The following MRTFA variants were observed in gnomAD, a reference collection of about 807,000 sequenced individuals.
MRTFA encodes myocardin related transcription factor A, also known as myocardin-related transcription factor A.
A neutral mutation model predicts 83.5 loss-of-function variants in MRTFA; 20 were observed. That is an observed-to-expected ratio of 0.24 (90% CI 0.17 to 0.35). The LOEUF (loss-of-function observed/expected upper bound fraction) is 0.35, where lower values mean the gene tolerates loss of function less well. Among genes scored for constraint, MRTFA ranks in the 10% least tolerant of loss-of-function variants. The pLI, the probability that MRTFA is intolerant of heterozygous loss-of-function variation, is 1.00. For synonymous variants in MRTFA, 659 were observed against 541.2 expected (o/e 1.22, Z -3.02); for missense variants, 1,200 against 1,224.7 (o/e 0.98, Z 0.30).
chr22:40,429,459 A>G (rs1234791825), intron 7 of MRTFA, 147 bp downstream of exon 7: 2 of 921,382 alleles, frequency 2.2e-6, no homozygotes, highest in South Asian at 2.8e-5. Context: ...GAGGCTCTCA[A>G]ACTCTGTGCC....
intron 3 of MRTFA, among the ~76,000 whole-genome samples, chr22:40,541,896 G>A (rs1278746780): frequency 6.6e-6 from 1 of 152,144 alleles, no homozygotes; most frequent in Non-Finnish European, 1.5e-5. Flanking sequence ...TTGAACTCCT[G>A]ACCTCATAAT....
chr22:40,414,674 C>A lies in MRTFA; in HGVS notation c.2578+2312G>T, dbSNP rs1482643694. On this transcript the variant is annotated intron_variant, in intron 14 of 14. Coordinates refer to ENST00000355630, the MANE Select transcript of MRTFA (RefSeq NM_020831.6). The stretch of plus-strand genomic sequence containing the variant: ...GTGAGGTCCCCACGACAGGCAAATC[C>A]ATAGAGAAAGTGGGATGGGGACTGC... 2.0e-5 allele frequency among the ~76,000 whole-genome samples: 3 copies of A among 152,200 alleles called. No individual in the cohort carries two copies. The East Asian group carries it at 5.8e-4, about 29-fold the overall frequency.
chr22:40,456,663 GA>G (rs1487940249), intron 4 of MRTFA, among the ~76,000 whole-genome samples: 2 of 152,170 alleles, frequency 1.3e-5, no homozygotes, highest in Admixed American at 6.5e-5. Context: ...CTCCAGCCTG[GA>G]TAACAGAACC....
At chr22:40,458,809 G>A (rs750389571) in intron 4 of MRTFA, among the ~76,000 whole-genome samples, 1 of 152,114 alleles carries the variant, frequency 6.6e-6, no homozygotes, top group African/African-American at 2.4e-5. Context: ...CGGGCGTGGA[G>A]GCTCATGCCT....
intron 3 of MRTFA, among the ~76,000 whole-genome samples, chr22:40,493,552 A>T (rs1391868885): frequency 6.6e-6 from 1 of 152,236 alleles, no homozygotes. Flanking sequence ...GAAAAGGAAA[A>T]TGAAAGAGGA....
At chr22:40,590,121 T>C (rs1245751576) in intron 2 of MRTFA, among the ~76,000 whole-genome samples, 2 of 152,216 alleles carry the variant, frequency 1.3e-5, no homozygotes, top group East Asian at 1.9e-4. Flanking sequence ...TTCCACATAA[T>C]ACTCAATTTT....
intron 10 of MRTFA, 122 bp from the exon 11 acceptor site, chr22:40,420,698 C>A: frequency 6.5e-7 from 1 of 1,535,470 alleles, no homozygotes; most frequent in Non-Finnish European, 8.8e-7. Context: ...CCAGCAAAGG[C>A]TAGGGTGGCC....
intron 3 of MRTFA, among the ~76,000 whole-genome samples, chr22:40,485,926 T>C (rs1373777740): frequency 6.6e-6 from 1 of 152,196 alleles, no homozygotes; most frequent in Non-Finnish European, 1.5e-5. Flanking sequence ...ATGAAATGCA[T>C]GTTCTTGTTC....
intron 3 of MRTFA, among the ~76,000 whole-genome samples, chr22:40,546,817 T>C (rs565596602): frequency 6.6e-6 from 1 of 152,230 alleles, no homozygotes; most frequent in Non-Finnish European, 1.5e-5. Context: ...ACAGAGTTCT[T>C]ACCTGTAGTG....
At chr22:40,616,203 GAACT>G (rs1249194483) in intron 1 of MRTFA, among the ~76,000 whole-genome samples, 3 of 152,076 alleles carry the variant, frequency 2.0e-5, no homozygotes, top group African/African-American at 4.8e-5. Flanking sequence ...CAATATACTA[GAACT>G]AACAAGTGGA....
In MRTFA at chr22:40,446,385, G is replaced by A. The variant is rs117970110; in HGVS notation, c.308-10831C>T. On this transcript the variant is annotated intron_variant, in intron 4 of 14. Transcript: ENST00000355630. ...AATTGGAGTGACTGGGTGAATGGTT[G>A]TGCTATTAACACTCCTGGACAGGTG... is the stretch of plus-strand genomic sequence containing the variant. Among the ~76,000 whole-genome samples, 27 of 152,320 alleles carry A rather than the reference G, an allele frequency of 1.8e-4. No individual in the cohort carries two copies. The East Asian group carries it at 5.2e-3, about 29-fold the overall frequency.
At chr22:40,500,566 T>G (rs1235492439) in intron 3 of MRTFA, among the ~76,000 whole-genome samples, 3 of 152,094 alleles carry the variant, frequency 2.0e-5, no homozygotes, top group Non-Finnish European at 2.9e-5. Flanking sequence ...GTGTCCCTGA[T>G]TACTTGCGAT....
intron 1 of MRTFA, among the ~76,000 whole-genome samples, chr22:40,627,264 T>C (rs192037014): frequency 6.6e-6 from 1 of 152,274 alleles, no homozygotes; most frequent in Admixed American, 6.5e-5. Flanking sequence ...CAAGTGCATG[T>C]CACCATGCTG....
chr22:40,531,788 G>A lies in MRTFA; in HGVS notation c.241+20318C>T, dbSNP rs59162989. Among the ~76,000 whole-genome samples, 697 of 152,228 alleles carry A rather than the reference G, an allele frequency of 4.6e-3. 6 individuals are homozygous for A. Among genetic ancestry groups the A allele is most frequent in the African/African-American group, 0.016 (666 of 41,530 alleles). Reference sequence around the variant, plus strand: ...AGAGACAGTATTTTACTATACAGCTGTCATATTACTGTTACAATCCAGCTA... The same window carrying A: ...AGAGACAGTATTTTACTATACAGCTATCATATTACTGTTACAATCCAGCTA... On this transcript the variant is annotated intron_variant, in intron 3 of 14. Coordinates refer to ENST00000355630, the MANE Select transcript of MRTFA (RefSeq NM_020831.6).
intron 2 of MRTFA, among the ~76,000 whole-genome samples, chr22:40,554,310 T>C (rs941267603): frequency 1.3e-5 from 2 of 152,072 alleles, no homozygotes; most frequent in Admixed American, 6.6e-5. Context: ...CAGAATGATA[T>C]GGTTTGGCTG....
At chr22:40,468,820 A>G (rs1398549738) in intron 3 of MRTFA, among the ~76,000 whole-genome samples, 1 of 152,124 alleles carries the variant, frequency 6.6e-6, no homozygotes, top group East Asian at 1.9e-4. Context: ...TTGGCTTCCA[A>G]CTCTGGAGGC....
At chr22:40,541,650 G>C (rs963633714) in intron 3 of MRTFA, among the ~76,000 whole-genome samples, 10 of 150,510 alleles carry the variant, frequency 6.6e-5, no homozygotes, top group Admixed American at 6.0e-4. Flanking sequence ...GCTGATGGCT[G>C]TGTGTGTGTG....
chr22:40,420,877 T>C lies in MRTFA; in HGVS notation c.1151A>G (p.Asn384Ser). 6.2e-7 allele frequency: 1 copy of C among 1,613,854 alleles called. No individual in the cohort carries two copies. ...CGGGGCAGGCAGGATGGCCTGGTAG[T>C]TGTGGTGCTGCTGCTGCTGCTGGTT... is the stretch of plus-strand genomic sequence containing the variant. Residue 384 changes from asparagine (N) to serine (S), a missense_variant, in exon 10 of 15, where the codon AAC (asparagine) becomes AGC (serine). This residue lies in a region of MRTFA where 1,107 missense variants were observed against 1,041.8 expected (regional missense o/e 1.06). Transcript: ENST00000355630.
chr22:40,593,770 A>G (rs1345291740), intron 2 of MRTFA, among the ~76,000 whole-genome samples: 1 of 151,856 alleles, frequency 6.6e-6, no homozygotes, highest in Non-Finnish European at 1.5e-5. Flanking sequence ...TAGATGCAGC[A>G]AGAGTCCAGA....
Sources: gnomAD v4.1 joint callset for allele counts (sites outside exome capture counted in the v4.1 genomes callset) on GRCh38, gnomAD v4.1.1 for gene constraint, gnomAD v4.1.1 regional missense constraint, MANE v1.5 for transcripts, NCBI Gene and HGNC (gene_info 2026-07-23, HGNC 2026-07-21) for gene names.